The following CCDC88B variants were observed in gnomAD, a reference collection of about 807,000 sequenced individuals.
The protein encoded by CCDC88B is coiled-coil and HOOK domain protein 88B, also known as coiled-coil domain-containing protein 88B.
Under a neutral mutation model 183.7 loss-of-function variants are expected in CCDC88B, and 138 were observed. The observed-to-expected ratio is 0.75, with a 90% CI of 0.65 to 0.87. The LOEUF (loss-of-function observed/expected upper bound fraction) is 0.87, where lower values mean the gene tolerates loss of function less well. CCDC88B is among the 40% of genes least tolerant of loss of function. The pLI is 0.00. For synonymous variants in CCDC88B, 835 were observed against 867.5 expected, an observed-to-expected ratio of 0.96 and a Z score of 0.66; for missense variants, 1,822 against 1,965.6, an observed-to-expected ratio of 0.93 and a Z score of 1.38.
At chr11:64,345,279 A>C in intron 14 of CCDC88B, 122 bp downstream of exon 14, 1 of 1,151,472 alleles carries the variant, frequency 8.7e-7, no homozygotes, top group Non-Finnish European at 1.2e-6. Context: ...TGGAGATAGA[A>C]AGGCCAAGTC....
At chr11:64,353,869 C>T in intron 23 of CCDC88B, 56 bp downstream of exon 23, 2 of 1,603,884 alleles carry the variant, frequency 1.2e-6, no homozygotes, top group Non-Finnish European at 1.7e-6. Flanking sequence ...TCTGCCCCTG[C>T]CCTGGCCTCT....
intron 14 of CCDC88B, among the ~76,000 whole-genome samples, chr11:64,348,075 T>C (rs903076025): frequency 2.9e-5 from 4 of 138,122 alleles, no homozygotes; most frequent in African/African-American, 8.1e-5. Flanking sequence ...AAAAAAAAAA[T>C]TGTACCTGCC....
chr11:64,342,987 G>A (rs2035944813), intron 10 of CCDC88B, among the ~76,000 whole-genome samples, 192 bp from the exon 11 acceptor site: 1 of 151,250 alleles, frequency 6.6e-6, no homozygotes, highest in Admixed American at 6.6e-5. Flanking sequence ...CCAGGGGCGA[G>A]GGAGAAAGTA....
In CCDC88B at chr11:64,344,024, G is replaced by A; in HGVS notation, c.1483G>A (p.Asp495Asn). ...CCCCCTGCTGGAGGCACCGAGAGAG[G>A]ACCCTGTTCTTCCAGTGCTGGAGGA... ...QHPLLEAPRE[D>N]PVLPVLEEAP... is the part of the protein sequence containing the mutation. The change falls in exon 14 of 27, where the codon GAC becomes AAC. Residue 495 changes from aspartate (D) to asparagine (N), a missense_variant. Transcript: ENST00000356786. The surrounding 1 kb of genome is among the most constrained non-coding windows in gnomAD (Gnocchi z 4.5). The A allele has an allele frequency of 2.6e-6, 4 of 1,567,244 alleles. No homozygotes were observed. The highest frequency in any genetic ancestry group is 3.5e-6 in the Non-Finnish European group (4 of 1,155,270).
rs1477007989 is a variant in CCDC88B, at chr11:64,342,243, G to A, written c.822-51G>A. The A allele has an allele frequency of 1.9e-6, 3 of 1,575,790 alleles. No individual in the cohort carries two copies. In the Admixed American group the frequency reaches 5.7e-5, roughly 30 times the overall value. Reference sequence around the variant, plus strand: ...TACGGGAGGGGTCAGGCCTGGGAAGGGCTGGGGGTTGTGGGCCCCCAGACC... The same window carrying A: ...TACGGGAGGGGTCAGGCCTGGGAAGAGCTGGGGGTTGTGGGCCCCCAGACC... On this transcript the variant is annotated intron_variant, in intron 8 of 26. Coordinates refer to ENST00000356786, the MANE Select transcript of CCDC88B (RefSeq NM_032251.6).
In CCDC88B at chr11:64,349,418, C is replaced by T. The variant is rs748897642; in HGVS notation, c.2704C>T (p.Arg902Cys). ...QRELEQAALE[R>C]QEFLREKESQ... ...TGAGCTGGAGCAGGCGGCTCTCGAG[C>T]GCCAGGAATTTCTGCGAGAAAAGGA... The change falls in exon 15 of 27, where the codon CGC (arginine) becomes TGC (cysteine). Residue 902 changes from arginine to cysteine, a missense_variant. By Grantham distance (180) the Arg-to-Cys change is radical (BLOSUM62 -3). Coordinates refer to ENST00000356786, the MANE Select transcript of CCDC88B (RefSeq NM_032251.6). The T allele has an allele frequency of 1.5e-5, 24 of 1,612,984 alleles. No homozygotes were observed. The highest frequency in any genetic ancestry group is 2.2e-5 in the East Asian group (1 of 44,858).
Position 64,351,172 on chromosome 11 carries a change from C to A in CCDC88B, c.2875C>A (p.Pro959Thr). 1 of 1,485,772 alleles carries A rather than the reference C, an allele frequency of 6.7e-7. No individual in the cohort carries two copies. The highest frequency in any genetic ancestry group is 1.4e-5 in the South Asian group (1 of 72,296). The allele number at this position is 1,485,772 out of a possible 1,614,324, so 92.0% of individuals were successfully genotyped here. A position where few individuals can be genotyped will look rare whatever the true frequency, so the allele number is the denominator to read the frequency against. ...EEELFQLRQG[P>T]AGLGPKKRAE... ...ACTCTCCTTGCAGCTGCGCCAGGGC[C>A]CCGCGGGGCTGGGGCCCAAAAAGCG... The change falls in exon 17 of 27, where the codon CCC (proline) becomes ACC (threonine). Residue 959 changes from proline (P) to threonine (T), a missense_variant. Pro to Thr is a conservative substitution (Grantham distance 38). Transcript: ENST00000356786.
intron 11 of CCDC88B, 75 bp downstream of exon 11, chr11:64,343,400 G>C: frequency 6.5e-7 from 1 of 1,540,344 alleles, no homozygotes; most frequent in East Asian, 2.5e-5. Flanking sequence ...GTGGTCCCTA[G>C]TGATTCTTGC....
chr11:64,344,623 C>G lies in CCDC88B; in HGVS notation c.2082C>G (p.Ala694=). 1 of 1,613,334 alleles carries G rather than the reference C, an allele frequency of 6.2e-7. No homozygotes were observed. Among genetic ancestry groups the G allele is most frequent in the Non-Finnish European group, 8.5e-7 (1 of 1,179,650 alleles). The change falls in exon 14 of 27, where the codon GCC becomes GCG. Residue 694 remains alanine, a synonymous_variant. Transcript: ENST00000356786. This position sits in a 1 kb window ranked among gnomAD's most constrained non-coding sequence, Gnocchi z 4.5. The part of the protein sequence containing the change: ...QRLEGTVRDP[A]WQKPQQKSEG... ...TGGAAGGGACGGTCAGGGACCCAGC[C>G]TGGCAAAAACCACAGCAGAAGTCAG...
chr11:64,344,283 C>T lies in CCDC88B; in HGVS notation c.1742C>T (p.Ser581Phe), dbSNP rs2036008227. 2.5e-6 allele frequency: 4 copies of T among 1,613,786 alleles called. No homozygotes were observed. Among genetic ancestry groups the T allele is most frequent in the Non-Finnish European group, 3.4e-6 (4 of 1,179,980 alleles). The change falls in exon 14 of 27, where the codon TCT becomes TTT. Residue 581 changes from serine (S) to phenylalanine (F), a missense_variant. Transcript: ENST00000356786. The surrounding 1 kb of genome is among the most constrained non-coding windows in gnomAD (Gnocchi z 4.5). ...GACTGGTCCCCGCAAGAGTCAGGCT[C>T]TCCTGTGGAGACACAGGAGTCCCCG... ...ASDWSPQESG[S>F]PVETQESPEK...
chr11:64,354,253 C>T, intron 24 of CCDC88B, 83 bp downstream of exon 24: 1 of 1,196,898 alleles, frequency 8.4e-7, no homozygotes. Context: ...CACTGCCTGG[C>T]CTGCATGCGT....
At position 64,353,477 on chromosome 11, in the gene CCDC88B, C is replaced by T. The variant is rs1284480741; in HGVS notation, c.3814C>T (p.Arg1272Cys). 4.3e-6 allele frequency: 7 copies of T among 1,611,944 alleles called. No homozygotes were observed. The highest frequency in any genetic ancestry group is 2.2e-5 in the East Asian group (1 of 44,874). The change falls in exon 22 of 27, where the codon CGC (arginine) becomes TGC (cysteine). Residue 1272 changes from arginine to cysteine, a missense_variant. Physicochemically the swap from Arg to Cys is radical, Grantham distance 180. Coordinates refer to ENST00000356786, the MANE Select transcript of CCDC88B (RefSeq NM_032251.6). ...CCTGGAGAGTCGGGACCACCTGCAC[C>T]GCGAACAGCGGGAGTACCTGTGAGT... ...RSLESRDHLH[R>C]EQREYLDQLN...
In CCDC88B at chr11:64,355,189, T is replaced by C; in HGVS notation, c.4100-5T>C. ...TCACCCCCTCCCTGCATGTACCTCT[T>C]GCAGGGTCCCCTTCCCCGGCACCCA... On this transcript the variant is annotated splice_polypyrimidine_tract_variant and splice_region_variant and intron_variant, in intron 24 of 26. Transcript: ENST00000356786. The C allele has an allele frequency of 6.8e-7, 1 of 1,475,768 alleles. No individual in the cohort carries two copies. The highest frequency in any genetic ancestry group is 1.5e-5 in the South Asian group (1 of 68,630). The allele number at this position is 1,475,768 out of a possible 1,614,324, so 91.4% of individuals were successfully genotyped here. A position where few individuals can be genotyped will look rare whatever the true frequency, so the allele number is the denominator to read the frequency against.
intron 23 of CCDC88B, 72 bp downstream of exon 23, chr11:64,353,885 C>T: frequency 6.3e-7 from 1 of 1,592,806 alleles, no homozygotes; most frequent in Non-Finnish European, 8.6e-7. Flanking sequence ...CCTCTGACCC[C>T]AGGCCCAGCT....
intron 11 of CCDC88B, 45 bp downstream of exon 11, chr11:64,343,370 A>ATGACCCC (rs2035966243): frequency 1.3e-6 from 2 of 1,544,386 alleles, no homozygotes; most frequent in Non-Finnish European, 1.8e-6. Context: ...CCGTCACCCC[A>ATGACCCC]TGACCCCATT....
At position 64,341,670 on chromosome 11, in the gene CCDC88B, G is replaced by C. The variant is rs532027601; in HGVS notation, c.603G>C (p.Glu201Asp). 1.9e-6 allele frequency: 3 copies of C among 1,608,308 alleles called. No homozygotes were observed. Among genetic ancestry groups the C allele is most frequent in the South Asian group, 2.2e-5 (2 of 90,490 alleles). ...ATCCTGGGGAGCTGGCACCTGCCGA[G>C]CTGGAGATGCTGTCCCGGAGCCTGA... is the stretch of plus-strand genomic sequence containing the variant. ...GPDPGELAPA[E>D]LEMLSRSLMG... is the part of the protein sequence containing the mutation. The change falls in exon 7 of 27, where the codon GAG (glutamate) becomes GAC (aspartate). Residue 201 changes from glutamate (E) to aspartate (D), a missense_variant. Glu to Asp is a conservative substitution (Grantham distance 45). Transcript: ENST00000356786.
In CCDC88B at chr11:64,355,346, C is replaced by G. The variant is rs537291664; in HGVS notation, c.4252C>G (p.Arg1418Gly). 2 of 1,592,698 alleles carry G rather than the reference C, an allele frequency of 1.3e-6. No homozygotes were observed. The highest frequency in any genetic ancestry group is 1.1e-5 in the South Asian group (1 of 88,284). The change falls in exon 25 of 27, where the codon CGA becomes GGA. Residue 1418 changes from arginine (R) to glycine (G), a missense_variant. By Grantham distance (125) the Arg-to-Gly change is moderately radical (BLOSUM62 -2). Transcript: ENST00000356786. ...SFSPGDTPRQ[R>G]FRQRHPGPLG... ...CAGCCCTGGGGACACCCCTAGGCAA[C>G]GATTCCGACAGCGCCATCCAGGCCC...
rs764466901 is a variant in CCDC88B at position 64,352,234 on chromosome 11, C to A, written c.3204C>A (p.Arg1068=). ...RAARQSQEET[R]GQQQALLRDH... ...CACGGCAGTCCCAGGAGGAGACCCGCGGGCAGCAGCAGGCCCTGCTTCGGG... is the reference window on the plus strand; with the variant it reads ...CACGGCAGTCCCAGGAGGAGACCCGAGGGCAGCAGCAGGCCCTGCTTCGGG... Residue 1068 remains arginine (R), a synonymous_variant, in exon 19 of 27, where the codon CGC becomes CGA. Transcript: ENST00000356786. The A allele has an allele frequency of 1.2e-6, 2 of 1,609,110 alleles. No individual in the cohort carries two copies. Among genetic ancestry groups the A allele is most frequent in the Admixed American group, 1.7e-5 (1 of 59,482 alleles).
chr11:64,340,780 C>T, intron 2 of CCDC88B, 28 bp downstream of exon 2: 1 of 1,582,072 alleles, frequency 6.3e-7, no homozygotes, highest in African/African-American at 1.4e-5. Context: ...GGGGCGGTGG[C>T]GGGGAAGGAT....
Sources: allele counts gnomAD v4.1 joint callset (sites outside exome capture counted in the v4.1 genomes callset), GRCh38; gene constraint gnomAD v4.1.1; non-coding constraint Gnocchi (gnomAD v3.1); transcripts MANE v1.5; gene names NCBI Gene and HGNC (gene_info 2026-07-23, HGNC 2026-07-21).